Variants in XYLB observed in about 807,000 individuals in gnomAD.
The protein encoded by XYLB is xylulokinase.
A neutral mutation model predicts 78.7 loss-of-function variants in XYLB; 62 were observed. The observed-to-expected ratio is 0.79, with a 90% confidence interval of 0.64 to 0.97. The LOEUF (loss-of-function observed/expected upper bound fraction) is 0.97, where lower values mean the gene tolerates loss of function less well. Ranked by LOEUF, XYLB falls within the 50% of genes least tolerant of loss-of-function variation. The pLI, the probability that XYLB is intolerant of heterozygous loss-of-function variation, is 0.00. For synonymous variants in XYLB, 245 were observed against 247.4 expected, an observed-to-expected ratio of 0.99 and a Z score of 0.09; for missense variants, 687 against 676.8, an observed-to-expected ratio of 1.02 and a Z score of -0.17.
chr3:38,426,785 A>G, the XYLB span, among the ~76,000 whole-genome samples: 4 of 152,202 alleles, frequency 2.6e-5, no homozygotes, highest in African/African-American at 9.6e-5. Flanking sequence ...TAACCCTGTC[A>G]TAAACAGACC....
chr3:38,363,591 A>G (rs769948017), intron 4 of XYLB, among the ~76,000 whole-genome samples: 4 of 152,154 alleles, frequency 2.6e-5, no homozygotes, highest in Non-Finnish European at 5.9e-5. Flanking sequence ...TGGCTCTGCC[A>G]TTTACAGGCA....
At chr3:38,405,412 C>T (rs1360941600) in intron 18 of XYLB, among the ~76,000 whole-genome samples, 1 of 149,884 alleles carries the variant, frequency 6.7e-6, no homozygotes, top group East Asian at 2.0e-4. Flanking sequence ...GCCAAGATGG[C>T]CAAATAGGAA....
At chr3:38,347,044 C>T (rs1259952839) in intron 1 of XYLB, 119 bp downstream of exon 1, 65 of 1,025,666 alleles carry the variant, frequency 6.3e-5, no homozygotes, top group Non-Finnish European at 8.2e-5. Flanking sequence ...GCCTACCTCT[C>T]GGGCTTCCCG....
intron 16 of XYLB, 132 bp downstream of exon 16, chr3:38,395,695 A>T (rs1172674498): frequency 1.1e-6 from 1 of 917,142 alleles, no homozygotes; most frequent in Non-Finnish European, 1.7e-6. Flanking sequence ...CTCACACTCC[A>T]GGAAGCAGCT....
At chr3:38,434,197 G>A in the XYLB span, among the ~76,000 whole-genome samples, 1 of 152,276 alleles carries the variant, frequency 6.6e-6, no homozygotes, top group South Asian at 2.1e-4. Flanking sequence ...GACATGTGGG[G>A]ATTATTACAA....
chr3:38,412,712 C>A (rs892384979), intron 18 of XYLB, among the ~76,000 whole-genome samples: 1 of 152,102 alleles, frequency 6.6e-6, no homozygotes, highest in Non-Finnish European at 1.5e-5. Context: ...TAGATTTGAT[C>A]ATAAAAATTG....
At chr3:38,408,500 C>G (rs1468938002) in intron 18 of XYLB, among the ~76,000 whole-genome samples, 1 of 150,938 alleles carries the variant, frequency 6.6e-6, no homozygotes, top group Non-Finnish European at 1.5e-5. Context: ...CAAACACATT[C>G]AAAAGCTAGC....
At chr3:38,372,620 C>T in intron 9 of XYLB, 35 bp from the exon 10 acceptor site, 2 of 1,613,808 alleles carry the variant, frequency 1.2e-6, no homozygotes, top group Non-Finnish European at 1.7e-6. Context: ...GGATTTACCT[C>T]AACAGAGCAC....
intron 6 of XYLB, among the ~76,000 whole-genome samples, 156 bp from the exon 7 acceptor site, chr3:38,366,652 C>G (rs536822402): frequency 6.6e-6 from 1 of 152,350 alleles, no homozygotes; most frequent in Non-Finnish European, 1.5e-5. Flanking sequence ...GCTGGGATTA[C>G]AAGCGCACAC....
In XYLB at chr3:38,420,530, GTATGTGTTA is replaced by G. The variant is rs1708943232; in HGVS notation, c.*475_*483del. Among the ~76,000 whole-genome samples the G allele has an allele frequency of 2.6e-5, 4 of 152,302 alleles. No individual in the cohort carries two copies. The South Asian group carries it at 8.3e-4, about 32-fold the overall frequency. Reference sequence around the variant, plus strand: ...TTGAATTTTGTTAAATGTTTTGCATGTATGTGTTATGGTTTTGGTATTATGTGTTCCTTA... The same window carrying G: ...TTGAATTTTGTTAAATGTTTTGCATGTGGTTTTGGTATTATGTGTTCCTTA... On this transcript the variant is annotated 3_prime_UTR_variant, in exon 18 of 18. Transcript: ENST00000650590.
At chr3:38,409,280 A>G (rs1708471003) in intron 18 of XYLB, among the ~76,000 whole-genome samples, 1 of 152,250 alleles carries the variant, frequency 6.6e-6, no homozygotes, top group African/African-American at 2.4e-5. Context: ...AACCAAAGAC[A>G]AAAACCACAT....
chr3:38,365,870 C>G, intron 6 of XYLB, 134 bp downstream of exon 6: 1 of 1,372,086 alleles, frequency 7.3e-7, no homozygotes, highest in Non-Finnish European at 9.6e-7. Flanking sequence ...ACTCTGGCCC[C>G]TGGGTCCTGA....
At chr3:38,442,307 G>C in the XYLB span, among the ~76,000 whole-genome samples, 64,423 of 152,036 alleles carry the variant, frequency 0.42, 15,923 homozygotes, top group Non-Finnish European at 0.57. Context: ...GCTGGCATGA[G>C]GCTTCTGAAC....
chr3:38,435,708 C>G, the XYLB span, among the ~76,000 whole-genome samples: 5 of 152,148 alleles, frequency 3.3e-5, no homozygotes, highest in Non-Finnish European at 7.4e-5. Context: ...AAACAAGCCT[C>G]AACAATTTTT....
chr3:38,440,467 C>T, the XYLB span, among the ~76,000 whole-genome samples: 1 of 152,192 alleles, frequency 6.6e-6, no homozygotes, highest in African/African-American at 2.4e-5. Flanking sequence ...ACTGAATACC[C>T]ATTGTGTCTT....
chr3:38,355,074 G>C (rs1045233835), intron 2 of XYLB, among the ~76,000 whole-genome samples: 1 of 152,180 alleles, frequency 6.6e-6, no homozygotes, highest in Non-Finnish European at 1.5e-5. Flanking sequence ...TCAAGGAGTC[G>C]TTTCCCTACC....
chr3:38,361,748 C>T (rs899352538), intron 3 of XYLB, among the ~76,000 whole-genome samples: 1 of 152,198 alleles, frequency 6.6e-6, no homozygotes, highest in African/African-American at 2.4e-5. Flanking sequence ...CTAGCTCTGC[C>T]AGCCCCTGCT....
At chr3:38,431,583 C>T in the XYLB span, among the ~76,000 whole-genome samples, 1 of 152,182 alleles carries the variant, frequency 6.6e-6, no homozygotes, top group African/African-American at 2.4e-5. Context: ...ACTGGCAACA[C>T]TTTGTTGAAT....
At chr3:38,447,052 G>T in the XYLB span, among the ~76,000 whole-genome samples, 1 of 151,996 alleles carries the variant, frequency 6.6e-6, no homozygotes, top group Non-Finnish European at 1.5e-5. Context: ...GAATATACAA[G>T]GAACTCAAAC....
Sources: allele counts gnomAD v4.1 joint callset (sites outside exome capture counted in the v4.1 genomes callset), GRCh38; gene constraint gnomAD v4.1.1; transcripts MANE v1.5; gene names NCBI Gene and HGNC (gene_info 2026-07-23, HGNC 2026-07-21).